The following EVC variants were observed in gnomAD, a reference collection of about 807,000 sequenced individuals.
EVC encodes EvC ciliary complex subunit 1.
EVC carries 116 observed loss-of-function variants against 118.9 expected under a neutral mutation model. The observed-to-expected ratio is 0.98, with a 90% CI of 0.84 to 1.14. The LOEUF (loss-of-function observed/expected upper bound fraction) is 1.14, where lower values mean the gene tolerates loss of function less well. EVC is among the 50% of genes most tolerant of loss of function. The probability of loss-of-function intolerance (pLI) is 0.00; values close to 1 mark genes in which losing one functional copy is unlikely to be tolerated. For synonymous variants in EVC, 619 were observed against 534.7 expected (o/e 1.16, Z -2.18); for missense variants, 1,401 against 1,246.4 (o/e 1.12, Z -1.87).
chr4:5,791,157 A>G (rs1388302710), intron 12 of EVC, among the ~76,000 whole-genome samples: 1 of 152,222 alleles, frequency 6.6e-6, no homozygotes, highest in African/African-American at 2.4e-5. Flanking sequence ...AGTTAATGGA[A>G]TAGCAGATTA....
In EVC at chr4:5,720,047, A is replaced by G. The variant is rs4513510; in HGVS notation, c.300+674A>G. On this transcript the variant is annotated intron_variant, in intron 2 of 20. Coordinates refer to ENST00000264956, the MANE Select transcript of EVC (RefSeq NM_153717.3). ...CTGGAAGAGATGTTAAAAAAATTCTATTTGTTCCTGCCTTCCTGGAACCCT... is the reference window on the plus strand; with the variant it reads ...CTGGAAGAGATGTTAAAAAAATTCTGTTTGTTCCTGCCTTCCTGGAACCCT... 3.3e-5 allele frequency among the ~76,000 whole-genome samples: 5 copies of G among 152,082 alleles called. No homozygotes were observed. In the South Asian group the frequency reaches 6.2e-4, roughly 19 times the overall value.
chr4:5,728,624 C>T (rs183128470), intron 2 of EVC, among the ~76,000 whole-genome samples: 4 of 152,222 alleles, frequency 2.6e-5, no homozygotes, highest in African/African-American at 4.8e-5. Context: ...ATGTGGTCTT[C>T]GAGGGCAGCT....
chr4:5,794,663 A>C (rs1458166993), intron 13 of EVC, among the ~76,000 whole-genome samples: 1 of 151,816 alleles, frequency 6.6e-6, no homozygotes, highest in Non-Finnish European at 1.5e-5. Context: ...TACCCACCTC[A>C]GCCTTCCAAA....
chr4:5,711,868 C>G (rs1723092378), intron 1 of EVC, among the ~76,000 whole-genome samples: 1 of 152,238 alleles, frequency 6.6e-6, no homozygotes. Context: ...GCTGGCCCTG[C>G]TCGCCATGGT....
At chr4:5,821,737 C>G in the EVC span, 535 of 1,587,082 alleles carry the variant, frequency 3.4e-4, 4 homozygotes, top group Non-Finnish European at 7.3e-5. The surrounding 1 kb of genome is among the most constrained non-coding windows in gnomAD (Gnocchi z 4.4). Flanking sequence ...ATCCTTCAGG[C>G]TAGCTCCTCC....
At chr4:5,723,336 T>C (rs1297449153) in intron 2 of EVC, among the ~76,000 whole-genome samples, 1 of 152,026 alleles carries the variant, frequency 6.6e-6, no homozygotes, top group Admixed American at 6.6e-5. Flanking sequence ...ATTACAGGCA[T>C]GCGCCACCAC....
Position 5,743,677 on chromosome 4 carries a change from A to G in EVC, c.802-1527A>G, listed in dbSNP as rs1728949003. On this transcript the variant is annotated intron_variant, in intron 6 of 20. Coordinates refer to ENST00000264956, the MANE Select transcript of EVC (RefSeq NM_153717.3). The surrounding 1 kb of genome is among the most constrained non-coding windows in gnomAD (Gnocchi z 4.7). Reference sequence around the variant, plus strand: ...TCCATGAGGAAGGATGACTCACTGCATCCCAGGAAGGAGGAAGGACATCAT... The same window carrying G: ...TCCATGAGGAAGGATGACTCACTGCGTCCCAGGAAGGAGGAAGGACATCAT... Among the ~76,000 whole-genome samples, 1 of 152,162 alleles carries G rather than the reference A, an allele frequency of 6.6e-6. No individual in the cohort carries two copies. Among genetic ancestry groups the G allele is most frequent in the South Asian group, 2.1e-4 (1 of 4,828 alleles).
intron 11 of EVC, among the ~76,000 whole-genome samples, chr4:5,759,813 G>A (rs548319409): frequency 3.9e-5 from 6 of 152,320 alleles, no homozygotes; most frequent in Admixed American, 1.3e-4. Context: ...GAGGCTGCGC[G>A]AGCCTGGGAC....
chr4:5,756,806 C>G lies in EVC; in HGVS notation c.1563+444C>G, dbSNP rs1731251943. Among the ~76,000 whole-genome samples the G allele has an allele frequency of 6.6e-6, 1 of 152,126 alleles. No individual in the cohort carries two copies. Among genetic ancestry groups the G allele is most frequent in the Non-Finnish European group, 1.5e-5 (1 of 68,022 alleles). The stretch of plus-strand genomic sequence containing the variant: ...GCAGGTCTGGGGTGGGGAGGTGAAG[C>G]TGGCCATGCTTGCCCTGCAGGGTGA... On this transcript the variant is annotated intron_variant, in intron 11 of 20. Coordinates refer to ENST00000264956, the MANE Select transcript of EVC (RefSeq NM_153717.3). This position sits in a 1 kb window ranked among gnomAD's most constrained non-coding sequence, Gnocchi z 4.2.
At chr4:5,753,142 G>T in intron 9 of EVC, 90 bp downstream of exon 9, 1 of 1,261,494 alleles carries the variant, frequency 7.9e-7, no homozygotes, top group Non-Finnish European at 1.1e-6. Flanking sequence ...GCCTGGGGCA[G>T]TGTGCCCATG....
At chr4:5,808,101 C>T (rs1716216877) in intron 17 of EVC, 100 bp from the exon 18 acceptor site, 1 of 1,037,290 alleles carries the variant, frequency 9.6e-7, no homozygotes, top group African/African-American at 1.6e-5. Context: ...CTTGGGGCTC[C>T]CAGGGATCAG....
intron 11 of EVC, among the ~76,000 whole-genome samples, chr4:5,779,582 T>C (rs1472865228): frequency 8.1e-6 from 1 of 123,252 alleles, no homozygotes; most frequent in African/African-American, 3.6e-5. Context: ...GATTCCTAGG[T>C]ATTTTATTCT....
At chr4:5,732,778 G>C (rs1727027560) in intron 4 of EVC, among the ~76,000 whole-genome samples, 1 of 152,234 alleles carries the variant, frequency 6.6e-6, no homozygotes, top group South Asian at 2.1e-4. Context: ...GGGAGGCCAA[G>C]GTGGGTGGAT....
At position 5,743,891 on chromosome 4, in the gene EVC, A is replaced by G. The variant is rs754811257; in HGVS notation, c.802-1313A>G. On this transcript the variant is annotated intron_variant, in intron 6 of 20. Coordinates refer to ENST00000264956, the MANE Select transcript of EVC (RefSeq NM_153717.3). The surrounding 1 kb of genome is among the most constrained non-coding windows in gnomAD (Gnocchi z 4.7). The stretch of plus-strand genomic sequence containing the variant: ...ATGACTTTCCAATGGCAAAAATGAT[A>G]ATGATGATGATGACATTTATAATGG... Among the ~76,000 whole-genome samples, 21 of 152,162 alleles carry G rather than the reference A, an allele frequency of 1.4e-4. No homozygotes were observed. The highest frequency in any genetic ancestry group is 2.2e-4 in the Non-Finnish European group (15 of 68,036).
chr4:5,770,162 A>G (rs866246876), intron 11 of EVC, among the ~76,000 whole-genome samples: 7 of 152,064 alleles, frequency 4.6e-5, no homozygotes, highest in South Asian at 2.1e-4. Context: ...AGGCACACAG[A>G]GTGTCACCAA....
At chr4:5,744,011 T>TA (rs1292887837) in intron 6 of EVC, among the ~76,000 whole-genome samples, 1 of 152,218 alleles carries the variant, frequency 6.6e-6, no homozygotes, top group African/African-American at 2.4e-5. Context: ...CTCTACGAGT[T>TA]AAACAAGGCT....
At chr4:5,773,076 A>G (rs1365122954) in intron 11 of EVC, among the ~76,000 whole-genome samples, 1 of 152,174 alleles carries the variant, frequency 6.6e-6, no homozygotes, top group Admixed American at 6.5e-5. Context: ...TGCCTCGGTC[A>G]CCGCAGTGTC....
intron 8 of EVC, among the ~76,000 whole-genome samples, chr4:5,751,515 G>A (rs1490229157): frequency 6.6e-6 from 1 of 152,248 alleles, no homozygotes; most frequent in Admixed American, 6.5e-5. Context: ...GCTGGAATGA[G>A]CCTCGCCGTC....
chr4:5,821,698 C>T, the EVC span: 1 of 1,478,130 alleles, frequency 6.8e-7, no homozygotes, highest in Admixed American at 2.0e-5. This position sits in a 1 kb window ranked among gnomAD's most constrained non-coding sequence, Gnocchi z 4.4. Context: ...AAAACACTGA[C>T]AGGAAAAGGG....
Sources: allele counts gnomAD v4.1 joint callset (sites outside exome capture counted in the v4.1 genomes callset), GRCh38; gene constraint gnomAD v4.1.1; non-coding constraint Gnocchi (gnomAD v3.1); transcripts MANE v1.5; gene names NCBI Gene and HGNC (gene_info 2026-07-23, HGNC 2026-07-21).